Variants in CDH4 observed in about 807,000 individuals in gnomAD.
CDH4 encodes cadherin 4.
CDH4 carries 33 observed loss-of-function variants against 86.0 expected under a neutral mutation model. The observed-to-expected ratio is 0.38, with a 90% CI of 0.29 to 0.51. CDH4 has a LOEUF of 0.51. Among genes scored for constraint, CDH4 ranks in the 20% least tolerant of loss-of-function variants. CDH4 has a pLI of 0.86. For missense variants in CDH4, 1,114 were observed against 1,307.4 expected, an observed-to-expected ratio of 0.85 and a Z score of 2.28; for synonymous variants, 555 against 549.4, an observed-to-expected ratio of 1.01 and a Z score of -0.14.
chr20:61,445,693 A>C (rs2085345919), intron 2 of CDH4, among the ~76,000 whole-genome samples: 1 of 152,240 alleles, frequency 6.6e-6, no homozygotes, highest in African/African-American at 2.4e-5. Context: ...GGTTTGTGTT[A>C]TATTTCACAG....
At chr20:61,865,619 G>A (rs1335828225) in intron 6 of CDH4, among the ~76,000 whole-genome samples, 1 of 150,630 alleles carries the variant, frequency 6.6e-6, no homozygotes, top group Non-Finnish European at 1.5e-5. Context: ...AATGGGTTAG[G>A]TTCCTAGACT....
chr20:61,677,316 C>T (rs567146966), intron 2 of CDH4, among the ~76,000 whole-genome samples: 5 of 152,296 alleles, frequency 3.3e-5, no homozygotes, highest in African/African-American at 7.2e-5. Flanking sequence ...ATGCAATGCA[C>T]GAGCAGCGCC....
rs1296423303 is a variant in CDH4 at position 61,269,580 on chromosome 20, T to C, written c.169+14643T>C. Among the ~76,000 whole-genome samples, 1 of 152,100 alleles carries C rather than the reference T, an allele frequency of 6.6e-6. No homozygotes were observed. The highest frequency in any genetic ancestry group is 1.5e-5 in the Non-Finnish European group (1 of 68,024). ...ACACCAAGGCTTGCTGGCTTGCTCT[T>C]ATTTATTAATTATTTATTAGTTATA... On this transcript the variant is annotated intron_variant, in intron 2 of 15. Coordinates refer to ENST00000614565, the MANE Select transcript of CDH4 (RefSeq NM_001794.5). This position sits in a 1 kb window ranked among gnomAD's most constrained non-coding sequence, Gnocchi z 5.3.
At chr20:61,705,992 C>A (rs988204013) in intron 2 of CDH4, among the ~76,000 whole-genome samples, 2 of 152,218 alleles carry the variant, frequency 1.3e-5, no homozygotes, top group Non-Finnish European at 2.9e-5. Context: ...ATTTCTCCCC[C>A]ACGGGTGCTG....
intron 2 of CDH4, among the ~76,000 whole-genome samples, chr20:61,366,734 G>A (rs1249669042): frequency 6.6e-6 from 1 of 152,222 alleles, no homozygotes; most frequent in Non-Finnish European, 1.5e-5. Flanking sequence ...GGTGGGCCAG[G>A]TGTTCCTTGC....
At chr20:61,664,712 T>C (rs1275613671) in intron 2 of CDH4, among the ~76,000 whole-genome samples, 1 of 152,244 alleles carries the variant, frequency 6.6e-6, no homozygotes, top group Non-Finnish European at 1.5e-5. Flanking sequence ...CAGTGACATC[T>C]GTGGACGTTG....
At chr20:61,905,829 A>G (rs1439600347) in intron 8 of CDH4, among the ~76,000 whole-genome samples, 1 of 152,212 alleles carries the variant, frequency 6.6e-6, no homozygotes, top group Non-Finnish European at 1.5e-5. Flanking sequence ...CAGGGGAACC[A>G]GGAAGCCTCA....
chr20:61,916,880 C>G (rs1001773653), intron 9 of CDH4, among the ~76,000 whole-genome samples: 1 of 152,220 alleles, frequency 6.6e-6, no homozygotes, highest in Non-Finnish European at 1.5e-5. Flanking sequence ...CTGGGTCCCC[C>G]CAGGTGGTGG....
At chr20:61,555,972 C>T (rs2086174288) in intron 2 of CDH4, among the ~76,000 whole-genome samples, 4 of 152,184 alleles carry the variant, frequency 2.6e-5, no homozygotes, top group Non-Finnish European at 5.9e-5. Flanking sequence ...AGAAAGACAG[C>T]ACATTGTGTA....
At chr20:61,933,848 C>T (rs1289503478) in intron 14 of CDH4, among the ~76,000 whole-genome samples, 5 of 152,216 alleles carry the variant, frequency 3.3e-5, no homozygotes, top group Admixed American at 3.3e-4. Context: ...GCCCCTATCC[C>T]TGCCCAAGGG....
rs558179019 is a variant in CDH4, at chr20:61,510,248, T to A, written c.170-233315T>A. ...CGTGGAGCTCAGGAAAGGACACCCA[T>A]GAGAATGTTACTTGGTGTGTGCTTT... is the stretch of plus-strand genomic sequence containing the variant. On this transcript the variant is annotated intron_variant, in intron 2 of 15. Coordinates refer to ENST00000614565, the MANE Select transcript of CDH4 (RefSeq NM_001794.5). The surrounding 1 kb of genome is among the most constrained non-coding windows in gnomAD (Gnocchi z 4.2). Among the ~76,000 whole-genome samples the A allele has an allele frequency of 3.9e-5, 6 of 152,222 alleles. No homozygotes were observed. The highest frequency in any genetic ancestry group is 1.2e-4 in the African/African-American group (5 of 41,548).
chr20:61,369,179 G>A (rs1402272198), intron 2 of CDH4, among the ~76,000 whole-genome samples: 1 of 152,258 alleles, frequency 6.6e-6, no homozygotes, highest in African/African-American at 2.4e-5. Flanking sequence ...TAGGCTGGGC[G>A]CAGTGGTGCA....
chr20:61,286,352 A>G (rs1198682436), intron 2 of CDH4, among the ~76,000 whole-genome samples: 2 of 152,068 alleles, frequency 1.3e-5, no homozygotes, highest in African/African-American at 2.4e-5. Context: ...TGTCATATGG[A>G]CTTGAGGACC....
At chr20:61,426,901 G>A (rs2085218298) in intron 2 of CDH4, among the ~76,000 whole-genome samples, 1 of 152,184 alleles carries the variant, frequency 6.6e-6, no homozygotes, top group Non-Finnish European at 1.5e-5. Context: ...GGCCTATTGT[G>A]TTAAACCAGC....
At chr20:61,820,421 C>A (rs1409893042) in intron 4 of CDH4, among the ~76,000 whole-genome samples, 1 of 152,256 alleles carries the variant, frequency 6.6e-6, no homozygotes, top group African/African-American at 2.4e-5. Context: ...CTGCCCACCT[C>A]AAGGCCTTCA....
At chr20:61,640,307 C>A (rs953270705) in intron 2 of CDH4, among the ~76,000 whole-genome samples, 1 of 152,250 alleles carries the variant, frequency 6.6e-6, no homozygotes, top group African/African-American at 2.4e-5. Context: ...CGGCCTGGCT[C>A]ACGGCCGATG....
intron 2 of CDH4, among the ~76,000 whole-genome samples, chr20:61,650,143 C>G (rs187853036): frequency 1.3e-5 from 2 of 152,320 alleles, no homozygotes; most frequent in Admixed American, 1.3e-4. Context: ...CATCAATATT[C>G]TTATACCAAA....
In CDH4 at chr20:61,544,088, C is replaced by G. The variant is rs905082216; in HGVS notation, c.170-199475C>G. ...GGCACTAAGGTCCTTGGAGGCTGCC[C>G]CACGCCCCCTGGCCCCACACCTGCC... On this transcript the variant is annotated intron_variant, in intron 2 of 15. Coordinates refer to ENST00000614565, the MANE Select transcript of CDH4 (RefSeq NM_001794.5). The surrounding 1 kb of genome is among the most constrained non-coding windows in gnomAD (Gnocchi z 6.5). Among the ~76,000 whole-genome samples the G allele has an allele frequency of 6.6e-6, 1 of 152,202 alleles. No individual in the cohort carries two copies. Among genetic ancestry groups the G allele is most frequent in the Non-Finnish European group, 1.5e-5 (1 of 68,034 alleles).
chr20:61,758,061 G>A (rs145675603), intron 3 of CDH4, among the ~76,000 whole-genome samples: 97 of 152,332 alleles, frequency 6.4e-4, no homozygotes, highest in Non-Finnish European at 8.5e-4. Context: ...ACCTTCTCTC[G>A]GGGCAGGCAG....
Sources: gnomAD v4.1 joint callset for allele counts (sites outside exome capture counted in the v4.1 genomes callset) on GRCh38, gnomAD v4.1.1 for gene constraint, Gnocchi (gnomAD v3.1) non-coding constraint, MANE v1.5 for transcripts, NCBI Gene and HGNC (gene_info 2026-07-23, HGNC 2026-07-21) for gene names.